Variants in PIK3C2G observed in about 807,000 individuals in gnomAD.
The protein encoded by PIK3C2G is phosphatidylinositol 3-kinase C2 domain-containing subunit gamma.
PIK3C2G carries 168 observed loss-of-function variants against 181.1 expected under a neutral mutation model. That is an observed-to-expected ratio of 0.93 (90% CI 0.82 to 1.05). PIK3C2G has a LOEUF of 1.05. PIK3C2G is among the 50% of genes least tolerant of loss of function. The pLI is 0.00. For missense variants in PIK3C2G, 1,869 were observed against 1,732.8 expected, an observed-to-expected ratio of 1.08 and a Z score of -1.40; for synonymous variants, 573 against 592.2, an observed-to-expected ratio of 0.97 and a Z score of 0.47.
intron 4 of PIK3C2G, among the ~76,000 whole-genome samples, chr12:18,292,280 A>G (rs965009028): frequency 1.4e-5 from 2 of 144,236 alleles, no homozygotes; most frequent in African/African-American, 5.2e-5. Context: ...ATTCAAGTAT[A>G]TGAATTTCAG....
chr12:18,693,696 G>A, the PIK3C2G span: 57 of 1,565,046 alleles, frequency 3.6e-5, no homozygotes, highest in Middle Eastern at 3.7e-4. Context: ...GAAATTCAGC[G>A]AACAACGTTG....
the PIK3C2G span, among the ~76,000 whole-genome samples, chr12:18,682,729 A>G: frequency 6.6e-6 from 1 of 151,914 alleles, no homozygotes; most frequent in Non-Finnish European, 1.5e-5. Flanking sequence ...CAGGGTACCA[A>G]CTCCAGTGCA....
intron 8 of PIK3C2G, among the ~76,000 whole-genome samples, chr12:18,334,137 A>G (rs1378806624): frequency 1.3e-5 from 2 of 152,192 alleles, no homozygotes; most frequent in African/African-American, 4.8e-5. Context: ...TCATTAATCC[A>G]AAGAAATTAG....
intron 5 of PIK3C2G, among the ~76,000 whole-genome samples, chr12:18,312,532 G>T (rs1453619854): frequency 6.6e-6 from 1 of 152,110 alleles, no homozygotes; most frequent in Admixed American, 6.6e-5. Flanking sequence ...GATTACATGT[G>T]ATAGATTGTG....
intron 9 of PIK3C2G, 41 bp downstream of exon 9, chr12:18,338,589 G>A (rs1938778252): frequency 1.4e-6 from 2 of 1,392,914 alleles, no homozygotes; most frequent in Non-Finnish European, 2.0e-6. Context: ...TTAAACCTGA[G>A]TTCAATACTT....
intron 1 of PIK3C2G, among the ~76,000 whole-genome samples, chr12:18,267,787 T>C (rs936350662): frequency 6.6e-6 from 1 of 152,240 alleles, no homozygotes; most frequent in African/African-American, 2.4e-5. Context: ...AGCCAATATA[T>C]AGTTCTTCTT....
the PIK3C2G span, among the ~76,000 whole-genome samples, chr12:18,717,275 A>G: frequency 6.6e-6 from 1 of 152,332 alleles, no homozygotes; most frequent in African/African-American, 2.4e-5. Context: ...GGAAATTCCT[A>G]TAATGAAATT....
intron 24 of PIK3C2G, among the ~76,000 whole-genome samples, chr12:18,515,509 A>G (rs1942480540): frequency 6.6e-6 from 1 of 152,046 alleles, no homozygotes; most frequent in Admixed American, 6.6e-5. Context: ...TTGTTGGCAT[A>G]TAATTGCCCA....
intron 31 of PIK3C2G, among the ~76,000 whole-genome samples, chr12:18,620,467 G>A (rs1039679221): frequency 4.0e-5 from 6 of 151,852 alleles, no homozygotes; most frequent in Non-Finnish European, 7.4e-5. Flanking sequence ...ACCTATTTGT[G>A]TCTTTACATT....
At chr12:18,512,905 A>T (rs1942303834) in intron 24 of PIK3C2G, among the ~76,000 whole-genome samples, 1 of 151,876 alleles carries the variant, frequency 6.6e-6, no homozygotes, top group South Asian at 2.1e-4. Context: ...ACTTTTCACC[A>T]TTGAGAATAA....
intron 18 of PIK3C2G, among the ~76,000 whole-genome samples, chr12:18,478,713 C>T (rs7973215): frequency 0.021 from 3,144 of 152,232 alleles, 115 homozygotes; most frequent in African/African-American, 0.073. Flanking sequence ...CATGGTGGCT[C>T]ATGCCTGTAA....
At chr12:18,557,387 A>G (rs1945067675) in intron 26 of PIK3C2G, among the ~76,000 whole-genome samples, 1 of 152,176 alleles carries the variant, frequency 6.6e-6, no homozygotes, top group Non-Finnish European at 1.5e-5. Flanking sequence ...AAGACTCAGT[A>G]CTTTAAAAAT....
chr12:18,517,031 CTTT>C (rs3983627), intron 24 of PIK3C2G, among the ~76,000 whole-genome samples: 2 of 139,752 alleles, frequency 1.4e-5, no homozygotes. Flanking sequence ...TTTGCTTTTC[CTTT>C]TTTTTTTTTT....
Position 18,492,793 on chromosome 12 carries a change from T to G in PIK3C2G, c.2793+1235T>G, listed in dbSNP as rs1310147112. ...TAAAATTACATATAAGTTTGGCATG[T>G]GCAGGTGCACCGGCTGGGCCAGGGG... On this transcript the variant is annotated intron_variant, in intron 20 of 32. Coordinates refer to ENST00000538779, the MANE Select transcript of PIK3C2G (RefSeq NM_001288772.2). Among the ~76,000 whole-genome samples the G allele has an allele frequency of 6.6e-5, 10 of 152,222 alleles. No homozygotes were observed. In the East Asian group the frequency reaches 1.9e-3, roughly 29 times the overall value.
At chr12:18,706,549 T>C in the PIK3C2G span, among the ~76,000 whole-genome samples, 1 of 152,204 alleles carries the variant, frequency 6.6e-6, no homozygotes, top group African/African-American at 2.4e-5. Flanking sequence ...TGAAGGTGGC[T>C]CTACAAAGGT....
chr12:18,385,511 C>T (rs909943411), intron 14 of PIK3C2G, among the ~76,000 whole-genome samples: 3 of 152,082 alleles, frequency 2.0e-5, no homozygotes, highest in African/African-American at 7.2e-5. Context: ...TATTTAAGCA[C>T]GAAATGCAGA....
At chr12:18,409,498 T>A (rs1319145396) in intron 16 of PIK3C2G, among the ~76,000 whole-genome samples, 3 of 152,148 alleles carry the variant, frequency 2.0e-5, no homozygotes, top group Non-Finnish European at 4.4e-5. Context: ...TATACCTATG[T>A]AACAAACCTG....
intron 24 of PIK3C2G, among the ~76,000 whole-genome samples, chr12:18,511,609 A>T (rs1478131527): frequency 1.3e-5 from 2 of 151,890 alleles, no homozygotes; most frequent in South Asian, 2.1e-4. Context: ...GGCCATTTAT[A>T]TGTCTTCTTT....
At chr12:18,699,722 A>C in the PIK3C2G span, 1 of 1,399,612 alleles carries the variant, frequency 7.1e-7, no homozygotes, top group Non-Finnish European at 1.0e-6. Flanking sequence ...AATATCATTG[A>C]GCAATCTTAA....
Sources: allele counts gnomAD v4.1 joint callset (sites outside exome capture counted in the v4.1 genomes callset), GRCh38; gene constraint gnomAD v4.1.1; transcripts MANE v1.5; gene names NCBI Gene and HGNC (gene_info 2026-07-23, HGNC 2026-07-21).